Variants in LHFPL2 observed in about 807,000 individuals in gnomAD.
LHFPL2 encodes the protein LHFPL tetraspan subfamily member 2.
In LHFPL2, 7 loss-of-function variants were observed where a neutral mutation model predicts 17.5. The observed-to-expected ratio is 0.40, with a 90% CI of 0.23 to 0.75. LHFPL2 has a LOEUF of 0.75. Ranked by LOEUF, LHFPL2 falls within the 30% of genes least tolerant of loss-of-function variation. The pLI is 0.37. For synonymous variants in LHFPL2, 134 were observed against 116.2 expected, an observed-to-expected ratio of 1.15 and a Z score of -0.99; for missense variants, 241 against 294.8, an observed-to-expected ratio of 0.82 and a Z score of 1.34.
At chr5:78,599,503 G>A (rs1743939838) in intron 2 of LHFPL2, among the ~76,000 whole-genome samples, 1 of 150,774 alleles carries the variant, frequency 6.6e-6, no homozygotes, top group Non-Finnish European at 1.5e-5. Context: ...TAGAGACAGG[G>A]TTTCACCATG....
chr5:78,645,551 C>T (rs879306895), intron 1 of LHFPL2, among the ~76,000 whole-genome samples: 3,468 of 62,930 alleles, frequency 0.055, 61 homozygotes, highest in Middle Eastern at 0.14. Context: ...CATACACACA[C>T]ACACACACAC....
intron 2 of LHFPL2, among the ~76,000 whole-genome samples, chr5:78,616,327 C>T (rs1197216281): frequency 6.6e-6 from 1 of 152,066 alleles, no homozygotes; most frequent in African/African-American, 2.4e-5. Context: ...CGGGGTTTCA[C>T]CGTGTTAGCC....
chr5:78,593,689 G>T (rs370337712), intron 2 of LHFPL2, among the ~76,000 whole-genome samples: 11 of 152,286 alleles, frequency 7.2e-5, no homozygotes, highest in African/African-American at 2.6e-4. Context: ...GGGAGAAGAG[G>T]CAACCTGAGA....
chr5:78,529,416 T>G (rs912213893), intron 3 of LHFPL2, among the ~76,000 whole-genome samples: 1 of 152,148 alleles, frequency 6.6e-6, no homozygotes, highest in Non-Finnish European at 1.5e-5. Flanking sequence ...CTGTGAAAGG[T>G]TGAAAAGCAG....
chr5:78,605,651 A>C (rs1248204530), intron 2 of LHFPL2, among the ~76,000 whole-genome samples: 1 of 152,186 alleles, frequency 6.6e-6, no homozygotes, highest in African/African-American at 2.4e-5. Flanking sequence ...TTAAAGTGTC[A>C]ATTTTAATTA....
At chr5:78,526,361 A>C (rs77697083) in intron 3 of LHFPL2, among the ~76,000 whole-genome samples, 1 of 152,192 alleles carries the variant, frequency 6.6e-6, no homozygotes. Context: ...TTGACTTTCT[A>C]TCTGACTCAT....
In LHFPL2 at chr5:78,580,393, T is replaced by C. The variant is rs558871422; in HGVS notation, c.-244-15522A>G. On this transcript the variant is annotated intron_variant, in intron 2 of 4. Coordinates refer to ENST00000380345, the MANE Select transcript of LHFPL2 (RefSeq NM_005779.3). The stretch of plus-strand genomic sequence containing the variant: ...TTCTGGCTTTTGTTGCCATTGCTTT[T>C]GGTGTTTTAGACATGAAGTCCTTGC... Among the ~76,000 whole-genome samples the C allele has an allele frequency of 1.4e-4, 22 of 152,260 alleles. No homozygotes were observed. The South Asian group carries it at 4.1e-3, about 29-fold the overall frequency.
At chr5:78,575,849 C>G (rs1757117925) in intron 2 of LHFPL2, among the ~76,000 whole-genome samples, 1 of 152,190 alleles carries the variant, frequency 6.6e-6, no homozygotes, top group Non-Finnish European at 1.5e-5. Context: ...TGGACAATTT[C>G]AAGAAGTAGA....
At chr5:78,597,074 C>T (rs1446878234) in intron 2 of LHFPL2, among the ~76,000 whole-genome samples, 1 of 152,222 alleles carries the variant, frequency 6.6e-6, no homozygotes, top group African/African-American at 2.4e-5. Flanking sequence ...GTTTCCATAT[C>T]ACAGTCACCT....
At chr5:78,647,766 T>C (rs560206946) in intron 1 of LHFPL2, among the ~76,000 whole-genome samples, 2 of 152,064 alleles carry the variant, frequency 1.3e-5, no homozygotes, top group Admixed American at 6.5e-5. Flanking sequence ...TCGAACGGGA[T>C]TGAAGAAAAT....
intron 2 of LHFPL2, among the ~76,000 whole-genome samples, chr5:78,609,240 C>G (rs182316150): frequency 6.6e-6 from 1 of 152,036 alleles, no homozygotes; most frequent in African/African-American, 2.4e-5. Context: ...CACCTGAGGT[C>G]AGGAGTTCTA....
intron 2 of LHFPL2, among the ~76,000 whole-genome samples, chr5:78,628,712 AAGG>A (rs1745145628): frequency 6.6e-6 from 1 of 152,232 alleles, no homozygotes; most frequent in Non-Finnish European, 1.5e-5. Context: ...ACCCGGGAAC[AAGG>A]AGAATGAGAA....
In LHFPL2 at chr5:78,537,118, A is replaced by C. The variant is rs1755971995; in HGVS notation, c.-185-26720T>G. On this transcript the variant is annotated intron_variant, in intron 3 of 4. Coordinates refer to ENST00000380345, the MANE Select transcript of LHFPL2 (RefSeq NM_005779.3). The stretch of plus-strand genomic sequence containing the variant: ...ATTCACAGGCACATTAAAGTTTAAG[A>C]AGCGCTGCTCTACGACTGTCCTCTT... 3.3e-5 allele frequency among the ~76,000 whole-genome samples: 5 copies of C among 152,126 alleles called. No homozygotes were observed. The South Asian group carries it at 1.0e-3, about 32-fold the overall frequency.
chr5:78,505,536 A>G (rs876605), intron 4 of LHFPL2, among the ~76,000 whole-genome samples: 94,589 of 151,968 alleles, frequency 0.62, 31,363 homozygotes, highest in Non-Finnish European at 0.75. Context: ...TAAAAAAATG[A>G]TCTGAGGACA....
chr5:78,530,034 AGATTGGGCAAATGC>A lies in LHFPL2; in HGVS notation c.-185-19650_-185-19637del, dbSNP rs1397594336. 2.6e-5 allele frequency among the ~76,000 whole-genome samples: 4 copies of A among 152,254 alleles called. No individual in the cohort carries two copies. The East Asian group carries it at 7.7e-4, about 29-fold the overall frequency. On this transcript the variant is annotated intron_variant, in intron 3 of 4. Coordinates refer to ENST00000380345, the MANE Select transcript of LHFPL2 (RefSeq NM_005779.3). The stretch of plus-strand genomic sequence containing the variant: ...AAAATAAACTAGTTCCCAGAACAGA[AGATTGGGCAAATGC>A]CATTTTGCCCATGCCAAGTTAAGCC...
At chr5:78,599,983 C>T (rs1210426402) in intron 2 of LHFPL2, among the ~76,000 whole-genome samples, 2 of 152,062 alleles carry the variant, frequency 1.3e-5, no homozygotes, top group East Asian at 1.9e-4. Context: ...AATCTTGTAA[C>T]TTTATAGCAA....
intron 2 of LHFPL2, among the ~76,000 whole-genome samples, chr5:78,617,025 CTTTTTTTTTTCTT>C (rs897023236): frequency 6.7e-6 from 1 of 149,200 alleles, no homozygotes; most frequent in African/African-American, 2.5e-5. Context: ...TAGAGTTTCT[CTTTTTTTTTTCTT>C]TTTTTTTGAG....
chr5:78,506,702 T>A (rs1754941232), intron 4 of LHFPL2, among the ~76,000 whole-genome samples: 1 of 152,188 alleles, frequency 6.6e-6, no homozygotes, highest in Non-Finnish European at 1.5e-5. Flanking sequence ...GAAGGATAGC[T>A]CAGTCCCTCT....
intron 3 of LHFPL2, among the ~76,000 whole-genome samples, chr5:78,540,940 C>T (rs1756093744): frequency 6.6e-6 from 1 of 152,144 alleles, no homozygotes; most frequent in Non-Finnish European, 1.5e-5. Context: ...TTACCTGTGT[C>T]CTTCACGAGT....
Sources: gnomAD v4.1 joint callset for allele counts (sites outside exome capture counted in the v4.1 genomes callset) on GRCh38, gnomAD v4.1.1 for gene constraint, MANE v1.5 for transcripts, NCBI Gene and HGNC (gene_info 2026-07-23, HGNC 2026-07-21) for gene names.